C11orf65: variants seen among roughly 807,000 people sequenced by gnomAD.
C11orf65 encodes the protein protein MFI.
Under a neutral mutation model 35.3 loss-of-function variants are expected in C11orf65, and 38 were observed. The observed-to-expected ratio is 1.08, with a 90% confidence interval of 0.83 to 1.41. The LOEUF (loss-of-function observed/expected upper bound fraction) is 1.41, where lower values mean the gene tolerates loss of function less well. Ranked by LOEUF, C11orf65 falls within the 40% of genes most tolerant of loss-of-function variation. The pLI, the probability that C11orf65 is intolerant of heterozygous loss-of-function variation, is 0.00. For synonymous variants in C11orf65, 105 were observed against 114.4 expected (o/e 0.92, Z 0.53); for missense variants, 370 against 367.1 (o/e 1.01, Z -0.06).
At chr11:108,406,347 G>T (rs2092540575) in intron 5 of C11orf65, among the ~76,000 whole-genome samples, 2 of 151,918 alleles carry the variant, frequency 1.3e-5, no homozygotes, top group South Asian at 4.2e-4. Flanking sequence ...TGTTTTTTGA[G>T]ACAGAGTCTC....
chr11:108,318,007 T>C (rs1222869860), intron 6 of C11orf65, among the ~76,000 whole-genome samples: 2 of 152,164 alleles, frequency 1.3e-5, no homozygotes, highest in Non-Finnish European at 2.9e-5. Flanking sequence ...ATAGCACTTA[T>C]ATTGGCTGGA....
rs554134928 is a variant in C11orf65 at position 108,416,037 on chromosome 11, G to A, written c.175-8888C>T. Among the ~76,000 whole-genome samples, 33 of 152,228 alleles carry A rather than the reference G, an allele frequency of 2.2e-4. No homozygotes were observed. In the South Asian group the frequency reaches 6.8e-3, roughly 32 times the overall value. On this transcript the variant is annotated intron_variant, in intron 3 of 8. Transcript: ENST00000393084. Reference sequence around the variant, plus strand: ...TAACTCTTAGAAGATAACATAGGAGGAAATCTAGGTGAGCTTGGGTTTGGT... The same window carrying A: ...TAACTCTTAGAAGATAACATAGGAGAAAATCTAGGTGAGCTTGGGTTTGGT...
At chr11:108,419,969 G>C (rs1212439015) in intron 3 of C11orf65, among the ~76,000 whole-genome samples, 1 of 152,168 alleles carries the variant, frequency 6.6e-6, no homozygotes, top group Non-Finnish European at 1.5e-5. Flanking sequence ...AAAACTCATT[G>C]AGGATGACAT....
At chr11:108,347,146 T>C (rs372524173) in intron 2 of C11orf65, 1 of 746,944 alleles carries the variant, frequency 1.3e-6, no homozygotes, top group Non-Finnish European at 2.4e-6. Context: ...GTTATGCACA[T>C]CATTTAAGTA....
chr11:108,431,200 T>A (rs749145076), intron 3 of C11orf65, among the ~76,000 whole-genome samples: 3 of 152,076 alleles, frequency 2.0e-5, no homozygotes, highest in Non-Finnish European at 4.4e-5. Flanking sequence ...TGTACACTTA[T>A]CCATGAGGAG....
At chr11:108,452,875 T>C (rs940213002) in intron 2 of C11orf65, among the ~76,000 whole-genome samples, 11 of 151,484 alleles carry the variant, frequency 7.3e-5, no homozygotes, top group Non-Finnish European at 1.3e-4. Flanking sequence ...CTGGAAACCA[T>C]CATTCTGAGC....
intron 2 of C11orf65, among the ~76,000 whole-genome samples, chr11:108,342,433 A>AT (rs1322970894): frequency 6.6e-6 from 1 of 152,152 alleles, no homozygotes. Context: ...TAGTATCCTA[A>AT]TTTTTTTACT....
In C11orf65 at chr11:108,406,969, G is replaced by C. The variant is rs749045826; in HGVS notation, c.229-6C>G. The C allele has an allele frequency of 1.9e-6, 3 of 1,598,000 alleles. No individual in the cohort carries two copies. Among genetic ancestry groups the C allele is most frequent in the Non-Finnish European group, 1.7e-6 (2 of 1,166,618 alleles). On this transcript the variant is annotated splice_polypyrimidine_tract_variant and splice_region_variant and intron_variant, in intron 4 of 8. Transcript: ENST00000393084. Reference sequence around the variant, plus strand: ...ATATCAGGTGGAAATTTAACCTGTAGAAGGAAAAGTTCAAAGAGCCATTGT... The same window carrying C: ...ATATCAGGTGGAAATTTAACCTGTACAAGGAAAAGTTCAAAGAGCCATTGT...
intron 2 of C11orf65, among the ~76,000 whole-genome samples, chr11:108,373,136 T>C (rs917083729): frequency 2.6e-5 from 4 of 152,050 alleles, no homozygotes; most frequent in African/African-American, 9.7e-5. Context: ...TGAACATTGA[T>C]GTAAAAATCC....
intron 2 of C11orf65, among the ~76,000 whole-genome samples, chr11:108,345,014 A>T (rs1427758394): frequency 6.6e-6 from 1 of 152,090 alleles, no homozygotes; most frequent in East Asian, 1.9e-4. Context: ...CTCCAAAAAA[A>T]AAAAATGTTG....
Position 108,385,955 on chromosome 11 carries a change from T to G in C11orf65, c.752A>C (p.Glu251Ala). 1 of 1,614,004 alleles carries G rather than the reference T, an allele frequency of 6.2e-7. No homozygotes were observed. Among genetic ancestry groups the G allele is most frequent in the South Asian group, 1.1e-5 (1 of 91,052 alleles). Residue 251 changes from glutamate to alanine, a missense_variant, in exon 8 of 9, where the codon GAA becomes GCA. Coordinates refer to ENST00000393084, the MANE Select transcript of C11orf65 (RefSeq NM_152587.5). ...AGCCGAAGAGTTGCTTGTAGCAATT[T>G]CCTTCCAGCTGGCAATGTACCTAAG... Reference protein sequence around the residue: ...NFDEYIASWKEIATSNSSANF... With the variant: ...NFDEYIASWKAIATSNSSANF...
intron 3 of C11orf65, among the ~76,000 whole-genome samples, chr11:108,423,395 G>C (rs759856456): frequency 6.6e-6 from 1 of 152,196 alleles, no homozygotes; most frequent in Non-Finnish European, 1.5e-5. Context: ...AGTTTGGTGG[G>C]GGGAGGGACA....
At chr11:108,321,796 A>G (rs1252898740) in intron 6 of C11orf65, among the ~76,000 whole-genome samples, 1 of 152,174 alleles carries the variant, frequency 6.6e-6, no homozygotes. Context: ...CAAAAAAAAA[A>G]AAAACTATGT....
chr11:108,399,147 G>A (rs1006935718), intron 6 of C11orf65, among the ~76,000 whole-genome samples: 3 of 152,008 alleles, frequency 2.0e-5, no homozygotes, highest in South Asian at 2.1e-4. Flanking sequence ...CTGAGGTGCC[G>A]GGGGAAAAAA....
At chr11:108,367,195 G>A (rs2091375570) in intron 2 of C11orf65, 1 of 178,046 alleles carries the variant, frequency 5.6e-6, no homozygotes, top group African/African-American at 2.4e-5. Flanking sequence ...CACCGTGTTA[G>A]CCAGGATGGT....
chr11:108,407,202 T>C (rs2092557879), intron 3 of C11orf65, 53 bp from the exon 4 acceptor site: 2 of 1,240,006 alleles, frequency 1.6e-6, no homozygotes, highest in Non-Finnish European at 2.3e-6. Context: ...TCTGTATGTA[T>C]CAATTCACTA....
chr11:108,347,952 G>A (rs1050739247), intron 2 of C11orf65, among the ~76,000 whole-genome samples: 3 of 152,198 alleles, frequency 2.0e-5, no homozygotes, highest in African/African-American at 7.2e-5. Context: ...GATGAGAAAT[G>A]ATGAAGATTT....
At chr11:108,454,872 C>A (rs2093394348) in intron 2 of C11orf65, among the ~76,000 whole-genome samples, 1 of 152,108 alleles carries the variant, frequency 6.6e-6, no homozygotes, top group Admixed American at 6.6e-5. Flanking sequence ...GTTTTTATTT[C>A]AATCATTTCT....
Position 108,373,254 on chromosome 11 carries a change from G to A in C11orf65, c.226+19954C>T, listed in dbSNP as rs367650671. Among the ~76,000 whole-genome samples, 3 of 152,240 alleles carry A rather than the reference G, an allele frequency of 2.0e-5. No individual in the cohort carries two copies. The South Asian group carries it at 6.2e-4, about 32-fold the overall frequency. On this transcript the variant is annotated intron_variant, in intron 2 of 3. Coordinates refer to the C11orf65 transcript ENST00000524755. ...ATCAATGTAACTAAATAAACCATAT[G>A]ATCATGCCAATAGTGCAGAAAAAGC...
Sources: gnomAD v4.1 joint callset for allele counts (sites outside exome capture counted in the v4.1 genomes callset) on GRCh38, gnomAD v4.1.1 for gene constraint, MANE v1.5 for transcripts, NCBI Gene and HGNC (gene_info 2026-07-23, HGNC 2026-07-21) for gene names.